The following CNTNAP5 variants were observed in gnomAD, a reference collection of about 807,000 sequenced individuals.
The protein encoded by CNTNAP5 is contactin-associated protein-like 5.
CNTNAP5 carries 72 observed loss-of-function variants against 150.2 expected under a neutral mutation model. That is an observed-to-expected ratio of 0.48 (90% CI 0.40 to 0.58). The LOEUF (loss-of-function observed/expected upper bound fraction) is 0.58. Among genes scored for constraint, CNTNAP5 ranks in the 20% least tolerant of loss-of-function variants. The pLI, the probability that CNTNAP5 is intolerant of heterozygous loss-of-function variation, is 0.00. For missense variants in CNTNAP5, 1,636 were observed against 1,626.2 expected, an observed-to-expected ratio of 1.01 and a Z score of -0.10; for synonymous variants, 672 against 619.8, an observed-to-expected ratio of 1.08 and a Z score of -1.25.
chr2:124,377,626 G>A (rs1379667014), intron 3 of CNTNAP5, among the ~76,000 whole-genome samples: 3 of 151,124 alleles, frequency 2.0e-5, no homozygotes, highest in Admixed American at 1.3e-4. Context: ...AGTGAGCCAA[G>A]GTCTCGCCAT....
At chr2:124,883,070 CTTTTT>C (rs61340026) in intron 21 of CNTNAP5, among the ~76,000 whole-genome samples, 68,009 of 141,954 alleles carry the variant, frequency 0.48, 16,510 homozygotes, top group East Asian at 0.81. Context: ...CATCCATTCT[CTTTTT>C]TTTTTTTTTT....
In CNTNAP5 at chr2:124,586,316, G is replaced by A. The variant is rs527815149; in HGVS notation, c.1756+22993G>A. On this transcript the variant is annotated intron_variant, in intron 11 of 23. Coordinates refer to ENST00000682447, the MANE Select transcript of CNTNAP5 (RefSeq NM_001367498.1). Reference sequence around the variant, plus strand: ...TCCCCAAATTTTCTGAGTTATTGAGGTTTTGTTCCATGTAATATAACAACA... The same window carrying A: ...TCCCCAAATTTTCTGAGTTATTGAGATTTTGTTCCATGTAATATAACAACA... Among the ~76,000 whole-genome samples, 6 of 152,220 alleles carry A rather than the reference G, an allele frequency of 3.9e-5. No homozygotes were observed. In the South Asian group the frequency reaches 1.2e-3, roughly 32 times the overall value.
At chr2:124,186,096 G>T (rs1685326964) in intron 1 of CNTNAP5, among the ~76,000 whole-genome samples, 1 of 152,154 alleles carries the variant, frequency 6.6e-6, no homozygotes, top group African/African-American at 2.4e-5. Context: ...AGCTTGCTGG[G>T]CCTTAGGGTC....
At chr2:124,523,994 A>G (rs1694908046) in intron 8 of CNTNAP5, among the ~76,000 whole-genome samples, 1 of 152,046 alleles carries the variant, frequency 6.6e-6, no homozygotes, top group South Asian at 2.1e-4. Flanking sequence ...TTATACAACA[A>G]TAGATCAGAA....
intron 21 of CNTNAP5, 94 bp downstream of exon 21, chr2:124,869,856 G>A (rs530217804): frequency 1.4e-6 from 1 of 715,128 alleles, no homozygotes; most frequent in East Asian, 2.8e-5. Context: ...CAGGTCTGGA[G>A]CCTTTTGCTC....
At chr2:124,629,131 G>A (rs1232249984) in intron 12 of CNTNAP5, among the ~76,000 whole-genome samples, 1 of 152,142 alleles carries the variant, frequency 6.6e-6, no homozygotes, top group Non-Finnish European at 1.5e-5. Context: ...AAACCCTACT[G>A]TCAGTATTAG....
chr2:124,780,879 A>G (rs976173633), intron 17 of CNTNAP5, among the ~76,000 whole-genome samples: 4 of 152,378 alleles, frequency 2.6e-5, no homozygotes, highest in African/African-American at 9.6e-5. Flanking sequence ...AATAAAGTGC[A>G]GCAAAAAGCC....
At chr2:124,152,378 G>A (rs1435106472) in intron 1 of CNTNAP5, among the ~76,000 whole-genome samples, 2 of 152,144 alleles carry the variant, frequency 1.3e-5, no homozygotes, top group Non-Finnish European at 2.9e-5. Context: ...TCCGGATTTT[G>A]CAAATGAGAA....
intron 3 of CNTNAP5, among the ~76,000 whole-genome samples, chr2:124,316,233 GT>G (rs1688956484): frequency 6.6e-6 from 1 of 152,176 alleles, no homozygotes; most frequent in Non-Finnish European, 1.5e-5. Context: ...GAAAGGGTTA[GT>G]AGCCCTGGAG....
chr2:124,369,410 G>T (rs984395316), intron 3 of CNTNAP5, among the ~76,000 whole-genome samples: 6 of 151,438 alleles, frequency 4.0e-5, no homozygotes, highest in Non-Finnish European at 5.9e-5. Flanking sequence ...ATTTAACAAA[G>T]AAGCGTTAAA....
At chr2:124,648,090 C>A in intron 13 of CNTNAP5, 132 bp downstream of exon 13, 8 of 737,196 alleles carry the variant, frequency 1.1e-5, no homozygotes, top group Non-Finnish European at 1.8e-5. Flanking sequence ...AGAAACACAA[C>A]AAGAGGGGTC....
chr2:124,687,234 A>G (rs1275760228), intron 13 of CNTNAP5, among the ~76,000 whole-genome samples: 3 of 152,000 alleles, frequency 2.0e-5, no homozygotes, highest in Non-Finnish European at 4.4e-5. Flanking sequence ...AATCTCCCAC[A>G]CAAGTTCTTC....
At chr2:124,663,534 G>C (rs1446463700) in intron 13 of CNTNAP5, among the ~76,000 whole-genome samples, 2 of 152,108 alleles carry the variant, frequency 1.3e-5, no homozygotes, top group Non-Finnish European at 2.9e-5. Context: ...ATTTAGAAAG[G>C]ATAAAACATT....
At position 124,438,349 on chromosome 2, in the gene CNTNAP5, C is replaced by T. The variant is rs73952966; in HGVS notation, c.733+3662C>T. Reference sequence around the variant, plus strand: ...CTGCCGAATTACAATAGTCTGAACCCATTCATGCAGGTAGAGAATCAAAGA... The same window carrying T: ...CTGCCGAATTACAATAGTCTGAACCTATTCATGCAGGTAGAGAATCAAAGA... On this transcript the variant is annotated intron_variant, in intron 5 of 23. Transcript: ENST00000682447. 2.6e-3 allele frequency among the ~76,000 whole-genome samples: 401 copies of T among 152,224 alleles called. 4 individuals carry two copies. Among genetic ancestry groups the T allele is most frequent in the African/African-American group, 9.0e-3 (375 of 41,546 alleles).
intron 6 of CNTNAP5, among the ~76,000 whole-genome samples, chr2:124,448,693 A>G (rs1290368974): frequency 6.6e-6 from 1 of 152,160 alleles, no homozygotes; most frequent in Non-Finnish European, 1.5e-5. Context: ...TACATTTTTA[A>G]AGGGTTGTAA....
chr2:124,034,036 G>T (rs963084087), intron 1 of CNTNAP5, among the ~76,000 whole-genome samples: 2 of 152,186 alleles, frequency 1.3e-5, no homozygotes, highest in East Asian at 1.9e-4. Context: ...AAGTGTTGCT[G>T]CTTTCCTATT....
chr2:124,348,593 A>C (rs1270665924), intron 3 of CNTNAP5, among the ~76,000 whole-genome samples: 1 of 152,214 alleles, frequency 6.6e-6, no homozygotes, highest in African/African-American at 2.4e-5. Context: ...GACATGTAGA[A>C]AGAAGAGTAT....
intron 2 of CNTNAP5, among the ~76,000 whole-genome samples, chr2:124,226,268 C>T (rs1321146189): frequency 1.3e-5 from 2 of 151,982 alleles, no homozygotes; most frequent in Non-Finnish European, 2.9e-5. Context: ...CTCACCAACA[C>T]CTATCTCCTT....
At chr2:124,760,444 A>C (rs979375067) in intron 14 of CNTNAP5, among the ~76,000 whole-genome samples, 3 of 152,100 alleles carry the variant, frequency 2.0e-5, no homozygotes, top group Non-Finnish European at 4.4e-5. Context: ...CATTTCATCA[A>C]ACCTGAATGA....
Sources: gnomAD v4.1 joint callset for allele counts (sites outside exome capture counted in the v4.1 genomes callset) on GRCh38, gnomAD v4.1.1 for gene constraint, MANE v1.5 for transcripts, NCBI Gene and HGNC (gene_info 2026-07-23, HGNC 2026-07-21) for gene names.